Variants in ATL2 observed in about 807,000 individuals in gnomAD.
ATL2 encodes atlastin GTPase 2, also known as atlastin-2.
ATL2 carries 31 observed loss-of-function variants against 73.9 expected under a neutral mutation model. The ratio of observed to expected loss-of-function variants is 0.42; its 90% CI spans 0.32 to 0.57. ATL2 has a LOEUF of 0.57. ATL2 is among the 20% of genes least tolerant of loss of function. ATL2 has a pLI of 0.14. For missense variants in ATL2, 738 were observed against 702.6 expected (o/e 1.05, Z -0.57); for synonymous variants, 291 against 237.5 (o/e 1.23, Z -2.07).
intron 1 of ATL2, among the ~76,000 whole-genome samples, chr2:38,351,695 C>T (rs1443955681): frequency 6.6e-6 from 1 of 151,958 alleles, no homozygotes; most frequent in Non-Finnish European, 1.5e-5. Flanking sequence ...GGGGTTTCAC[C>T]TTGATCAGGC....
At chr2:38,331,769 C>T (rs1669010989) in intron 2 of ATL2, among the ~76,000 whole-genome samples, 1 of 151,882 alleles carries the variant, frequency 6.6e-6, no homozygotes, top group East Asian at 1.9e-4. Flanking sequence ...AAAAATGGTG[C>T]TGGGACAAAT....
At chr2:38,310,269 A>AT (rs1429190024) in intron 8 of ATL2, 40 bp downstream of exon 8, 6 of 1,602,548 alleles carry the variant, frequency 3.7e-6, no homozygotes, top group African/African-American at 2.7e-5. Flanking sequence ...TCCACCTCTA[A>AT]TAAATAAGTT....
chr2:38,372,560 T>A (rs17022635), intron 1 of ATL2, among the ~76,000 whole-genome samples: 18,710 of 152,092 alleles, frequency 0.12, 3,381 homozygotes, highest in African/African-American at 0.4. Flanking sequence ...TGAAATTAAC[T>A]CATATGAAAT....
intron 9 of ATL2, among the ~76,000 whole-genome samples, chr2:38,304,155 C>A (rs569837342): frequency 8.1e-4 from 123 of 152,230 alleles, no homozygotes; most frequent in African/African-American, 2.9e-3. Context: ...AATGCATCAA[C>A]AGAAAAGAAA....
intron 2 of ATL2, among the ~76,000 whole-genome samples, chr2:38,326,803 T>C (rs1403692561): frequency 6.6e-6 from 1 of 151,818 alleles, no homozygotes; most frequent in Non-Finnish European, 1.5e-5. Context: ...GCCTGGTCAA[T>C]ACGGCAAAAC....
intron 1 of ATL2, 128 bp downstream of exon 1, chr2:38,377,015 G>A (rs1672014292): frequency 5.8e-6 from 4 of 683,948 alleles, no homozygotes; most frequent in Non-Finnish European, 8.8e-6. Context: ...GGGCAGGCGC[G>A]GCGGCGGGAG....
chr2:38,327,506 C>A (rs1201769789), intron 2 of ATL2, among the ~76,000 whole-genome samples: 2 of 54,340 alleles, frequency 3.7e-5, no homozygotes, highest in Admixed American at 2.6e-4. Flanking sequence ...TTGGAGAAGG[C>A]AGAAAAAGAG....
chr2:38,376,337 A>C, intron 1 of ATL2: 1 of 1,038,506 alleles, frequency 9.6e-7, no homozygotes. Flanking sequence ...TGGTACACGT[A>C]CAGTAGGAGC....
At chr2:38,327,550 A>G (rs1321848441) in intron 2 of ATL2, among the ~76,000 whole-genome samples, 2 of 151,780 alleles carry the variant, frequency 1.3e-5, no homozygotes, top group African/African-American at 4.8e-5. Context: ...CAAAAAAAAA[A>G]AAAAAACACC....
intron 1 of ATL2, among the ~76,000 whole-genome samples, chr2:38,351,092 A>G (rs1670309061): frequency 6.6e-6 from 1 of 152,236 alleles, no homozygotes; most frequent in South Asian, 2.1e-4. Flanking sequence ...ATTCCAAACA[A>G]AAACTTGAAA....
At chr2:38,370,538 A>AGGCG (rs1671624906) in intron 1 of ATL2, among the ~76,000 whole-genome samples, 1 of 150,982 alleles carries the variant, frequency 6.6e-6, no homozygotes. Context: ...TGGGAGCCCA[A>AGGCG]GGCGGGCGGA....
chr2:38,354,203 T>C (rs1670529445), intron 1 of ATL2: 2 of 419,300 alleles, frequency 4.8e-6, no homozygotes, highest in African/African-American at 2.9e-5. Context: ...GCAAAGAGTA[T>C]CTGTCATTAG....
intron 2 of ATL2, among the ~76,000 whole-genome samples, chr2:38,332,070 A>T (rs1002033352): frequency 2.0e-5 from 3 of 152,190 alleles, no homozygotes; most frequent in Non-Finnish European, 1.5e-5. Flanking sequence ...ACAAAAGACC[A>T]CATTTTTTAA....
intron 1 of ATL2, among the ~76,000 whole-genome samples, chr2:38,357,685 CTTT>C (rs1258753359): frequency 6.9e-6 from 1 of 144,382 alleles, no homozygotes; most frequent in South Asian, 2.2e-4. Flanking sequence ...TCTAGAGATA[CTTT>C]TTTATATTGG....
rs533044018 is a variant in ATL2 at position 38,304,133 on chromosome 2, G to A, written c.1072-3805C>T. On this transcript the variant is annotated intron_variant, in intron 9 of 12. Coordinates refer to ENST00000378954, the MANE Select transcript of ATL2 (RefSeq NM_001135673.4). Reference sequence around the variant, plus strand: ...CCACCACAACAACAACAAGAAGCACGAATGGATTCTAAATGCATCAACAGA... The same window carrying A: ...CCACCACAACAACAACAAGAAGCACAAATGGATTCTAAATGCATCAACAGA... Among the ~76,000 whole-genome samples the A allele has an allele frequency of 3.3e-5, 5 of 152,172 alleles. No homozygotes were observed. The South Asian group carries it at 8.3e-4, about 25-fold the overall frequency.
At chr2:38,367,502 A>G (rs1042158109) in intron 1 of ATL2, among the ~76,000 whole-genome samples, 4 of 136,554 alleles carry the variant, frequency 2.9e-5, no homozygotes, top group Non-Finnish European at 6.2e-5. Context: ...GTTACTACAG[A>G]GGCTGAGGCA....
rs1286882954 is a variant in ATL2 at position 38,340,178 on chromosome 2, G to C, written c.363+3090C>G. Among the ~76,000 whole-genome samples, 6 of 113,156 alleles carry C rather than the reference G, an allele frequency of 5.3e-5. 1 individual carries two copies. Among genetic ancestry groups the C allele is most frequent in the South Asian group, 4.7e-4 (1 of 2,106 alleles). 74.2% of individuals were successfully genotyped at this position (113,156 alleles called of 152,430 possible). ...AACAGCAGTTAGTTTTGGTGGGGGG[G>C]GGGGGGGGGTAGACATTAACTGAGA... is the stretch of plus-strand genomic sequence containing the variant. On this transcript the variant is annotated intron_variant, in intron 2 of 12. Transcript: ENST00000378954.
intron 1 of ATL2, among the ~76,000 whole-genome samples, chr2:38,365,158 C>CACACACAAAT (rs1166520283): frequency 6.7e-6 from 1 of 148,254 alleles, no homozygotes; most frequent in Non-Finnish European, 1.5e-5. Context: ...CACACACACA[C>CACACACAAAT]ACACACAAAT....
intron 3 of ATL2, 90 bp downstream of exon 3, chr2:38,318,795 A>T: frequency 1.4e-6 from 2 of 1,456,428 alleles, no homozygotes; most frequent in Non-Finnish European, 9.4e-7. Context: ...AAGTTATCAA[A>T]CATTAATAGT....
Sources: allele counts gnomAD v4.1 joint callset (sites outside exome capture counted in the v4.1 genomes callset), GRCh38; gene constraint gnomAD v4.1.1; transcripts MANE v1.5; gene names NCBI Gene and HGNC (gene_info 2026-07-23, HGNC 2026-07-21).